LMTK3: variants seen among roughly 807,000 people sequenced by gnomAD.
The protein encoded by LMTK3 is lemur tail kinase 3.
Under a neutral mutation model 116.7 loss-of-function variants are expected in LMTK3, and 27 were observed. The observed-to-expected ratio is 0.23, with a 90% confidence interval of 0.17 to 0.32. LMTK3 has a LOEUF of 0.32. LMTK3 is among the 10% of genes least tolerant of loss of function. LMTK3 has a pLI of 1.00. For synonymous variants in LMTK3, 965 were observed against 971.0 expected (o/e 0.99, Z 0.11); for missense variants, 1,764 against 2,068.5 (o/e 0.85, Z 2.86).
chr19:48,502,386 C>T, intron 7 of LMTK3, 47 bp downstream of exon 7: 7 of 1,566,408 alleles, frequency 4.5e-6, no homozygotes, highest in South Asian at 1.1e-5. Flanking sequence ...TCACCTCCTT[C>T]CCCCTTCCCC....
Position 48,497,765 on chromosome 19 carries a change from G to A in LMTK3, c.3304C>T (p.Pro1102Ser). 1 of 1,374,066 alleles carries A rather than the reference G, an allele frequency of 7.3e-7. No individual in the cohort carries two copies. Among genetic ancestry groups the A allele is most frequent in the Non-Finnish European group, 9.3e-7 (1 of 1,069,658 alleles). 85.1% of individuals were successfully genotyped at this position (1,374,066 alleles called of 1,614,324 possible). A position where few individuals can be genotyped will look rare whatever the true frequency, so the allele number is the denominator to read the frequency against. Residue 1102 changes from proline (P) to serine (S), a missense_variant, in exon 11 of 15, where the codon CCA (proline) becomes TCA (serine). Coordinates refer to ENST00000600059, the MANE Select transcript of LMTK3 (RefSeq NM_001388485.1). The surrounding 1 kb of genome is among the most constrained non-coding windows in gnomAD (Gnocchi z 5.7). ...APETGGAPRA[P>S]GAGRLDLGSG... ...CCGAGGTCCAGCCTCCCAGCCCCTG[G>A]GGCTCTCGGCGCCCCCCCAGTCTCG...
chr19:48,498,758 C>T lies in LMTK3; in HGVS notation c.2311G>A (p.Asp771Asn). ...RAPADPAASP[D>N]PPSAVASPGS... ...GGACTGGCCACGGCCGAAGGGGGGTCGGGGGACGCGGCCGGGTCCGCGGGG... is the reference window on the plus strand; with the variant it reads ...GGACTGGCCACGGCCGAAGGGGGGTTGGGGGACGCGGCCGGGTCCGCGGGG... Residue 771 changes from aspartate (D) to asparagine (N), a missense_variant, in exon 11 of 15, where the codon GAC (aspartate) becomes AAC (asparagine). Physicochemically the swap from Asp to Asn is conservative, Grantham distance 23. Coordinates refer to ENST00000600059, the MANE Select transcript of LMTK3 (RefSeq NM_001388485.1). 4 of 937,890 alleles carry T rather than the reference C, an allele frequency of 4.3e-6. No individual in the cohort carries two copies. The highest frequency in any genetic ancestry group is 4.8e-5 in the South Asian group (2 of 41,908). 58.1% of individuals were successfully genotyped at this position (937,890 alleles called of 1,614,324 possible).
rs1972340266 is a variant in LMTK3 at position 48,497,012 on chromosome 19, C to T, written c.3676+381G>A. Among the ~76,000 whole-genome samples, 1 of 152,218 alleles carries T rather than the reference C, an allele frequency of 6.6e-6. No homozygotes were observed. Among genetic ancestry groups the T allele is most frequent in the African/African-American group, 2.4e-5 (1 of 41,460 alleles). Reference sequence around the variant, plus strand: ...CATCCGTTTCCCTATGTCGTCTGGCCCCTGTGGGCATGAGTTTGAGACCCC... The same window carrying T: ...CATCCGTTTCCCTATGTCGTCTGGCTCCTGTGGGCATGAGTTTGAGACCCC... On this transcript the variant is annotated intron_variant, in intron 11 of 14. Coordinates refer to ENST00000600059, the MANE Select transcript of LMTK3 (RefSeq NM_001388485.1). This position sits in a 1 kb window ranked among gnomAD's most constrained non-coding sequence, Gnocchi z 5.7.
intron 3 of LMTK3, 50 bp from the exon 4 acceptor site, chr19:48,509,563 T>C (rs1376601388): frequency 1.2e-5 from 18 of 1,466,644 alleles, no homozygotes; most frequent in Non-Finnish European, 1.7e-5. Flanking sequence ...CCTTCCTGAG[T>C]GCTACCAACA....
At chr19:48,493,663 C>T (rs763957528) in intron 12 of LMTK3, 31 bp downstream of exon 12, 5 of 1,544,292 alleles carry the variant, frequency 3.2e-6, no homozygotes, top group South Asian at 2.4e-5. Flanking sequence ...CAGGCCGCGA[C>T]CCCGAAACCG....
Position 48,510,063 on chromosome 19 carries a change from C to T in LMTK3, c.321G>A (p.Glu107=). 3.7e-6 allele frequency: 6 copies of T among 1,613,940 alleles called. No homozygotes were observed. Among genetic ancestry groups the T allele is most frequent in the Non-Finnish European group, 3.4e-6 (4 of 1,179,878 alleles). ...LPDVYILPLA[E]VSLPMPAPQP... Reference sequence around the variant, plus strand: ...GCGGGGCAGGCATTGGCAGGGAGACCTCAGCCAGCGGGAGAATGTAGACAT... The same window carrying T: ...GCGGGGCAGGCATTGGCAGGGAGACTTCAGCCAGCGGGAGAATGTAGACAT... Residue 107 remains glutamate (E), a synonymous_variant, in exon 3 of 15, where the codon GAG becomes GAA. Coordinates refer to ENST00000600059, the MANE Select transcript of LMTK3 (RefSeq NM_001388485.1).
At position 48,488,061 on chromosome 19, in the gene LMTK3, A is replaced by G. The variant is rs138888596; in HGVS notation, c.4367-2272T>C. ...CAGGAATATTTGTCAACTGAGCGAA[A>G]GGATTTGGGGTTTGGCACAATTGCA... On this transcript the variant is annotated intron_variant, in intron 14 of 14. Coordinates refer to ENST00000600059, the MANE Select transcript of LMTK3 (RefSeq NM_001388485.1). 2.4e-3 allele frequency among the ~76,000 whole-genome samples: 368 copies of G among 152,256 alleles called. 3 individuals are homozygous for G. The highest frequency in any genetic ancestry group is 8.4e-3 in the African/African-American group (349 of 41,534).
Position 48,511,631 on chromosome 19 carries a change from G to GGGC in LMTK3, c.-56_-55insGCC. The GGGC allele has an allele frequency of 2.2e-6, 1 of 456,836 alleles. No homozygotes were observed. The highest frequency in any genetic ancestry group is 3.6e-5 in the South Asian group (1 of 27,994). 28.3% of individuals were successfully genotyped at this position (456,836 alleles called of 1,614,324 possible). A position where few individuals can be genotyped will look rare whatever the true frequency, so the allele number is the denominator to read the frequency against. The stretch of plus-strand genomic sequence containing the variant: ...GGTGGCGGCTGGGGAGGAGGGGGGG[G>GGGC]CGGGCCCTCAGCCCCCAGCCATGGG... On this transcript the variant is annotated 5_prime_UTR_variant, in exon 1 of 15. Transcript: ENST00000600059.
Position 48,494,711 on chromosome 19 carries a change from G to T in LMTK3, c.3677-602C>A, listed in dbSNP as rs1411396651. ...CCCTCCATTACTGCATAAGTGAACTGCCCTTTCTGAGCTGATGGCAGGGGC... is the reference window on the plus strand; with the variant it reads ...CCCTCCATTACTGCATAAGTGAACTTCCCTTTCTGAGCTGATGGCAGGGGC... On this transcript the variant is annotated intron_variant, in intron 11 of 14. Coordinates refer to ENST00000600059, the MANE Select transcript of LMTK3 (RefSeq NM_001388485.1). The surrounding 1 kb of genome is among the most constrained non-coding windows in gnomAD (Gnocchi z 4.0). Among the ~76,000 whole-genome samples the T allele has an allele frequency of 6.6e-6, 1 of 152,168 alleles. No homozygotes were observed. The highest frequency in any genetic ancestry group is 1.5e-5 in the Non-Finnish European group (1 of 68,040).
rs1316394875 is a variant in LMTK3 at position 48,498,240 on chromosome 19, C to T, written c.2829G>A (p.Ala943=). Residue 943 remains alanine, a synonymous_variant, in exon 11 of 15, where the codon GCG becomes GCA. Transcript: ENST00000600059. ...DQRAPGIEEK[A]AENGALGSPE... is the part of the protein sequence containing the mutation. ...GGGACCCCAGGGCCCCATTCTCCGC[C>T]GCCTTCTCCTCGATGCCTGGGGCTC... The T allele has an allele frequency of 6.2e-6, 10 of 1,613,404 alleles. No individual in the cohort carries two copies. The highest frequency in any genetic ancestry group is 3.3e-4 in the Middle Eastern group (2 of 6,082).
rs1039669268 is a variant in LMTK3, at chr19:48,498,753, G to A, written c.2316C>T (p.Pro772=). 143 of 1,507,604 alleles carry A rather than the reference G, an allele frequency of 9.5e-5. No homozygotes were observed. Among genetic ancestry groups the A allele is most frequent in the Middle Eastern group, 6.4e-4 (3 of 4,692 alleles). The allele number at this position is 1,507,604 out of a possible 1,614,324, so 93.4% of individuals were successfully genotyped here. ...APADPAASPD[P]PSAVASPGSG... The stretch of plus-strand genomic sequence containing the variant: ...AACCGGGACTGGCCACGGCCGAAGG[G>A]GGGTCGGGGGACGCGGCCGGGTCCG... Residue 772 remains proline (P), a synonymous_variant, in exon 11 of 15, where the codon CCC becomes CCT. Transcript: ENST00000600059.
In LMTK3 at chr19:48,497,892, G is replaced by A; in HGVS notation, c.3177C>T (p.Ser1059=). 1 of 1,478,630 alleles carries A rather than the reference G, an allele frequency of 6.8e-7. No homozygotes were observed. The highest frequency in any genetic ancestry group is 8.9e-7 in the Non-Finnish European group (1 of 1,118,180). The allele number at this position is 1,478,630 out of a possible 1,614,324, so 91.6% of individuals were successfully genotyped here. A position where few individuals can be genotyped will look rare whatever the true frequency, so the allele number is the denominator to read the frequency against. The change falls in exon 11 of 15, where the codon AGC becomes AGT. Residue 1059 remains serine, a synonymous_variant. Coordinates refer to ENST00000600059, the MANE Select transcript of LMTK3 (RefSeq NM_001388485.1). The surrounding 1 kb of genome is among the most constrained non-coding windows in gnomAD (Gnocchi z 5.7). ...ETSLERAPAP[S]AVVSSRNGGE... Reference sequence around the variant, plus strand: ...CGCCGTTCCGGGAGGAGACCACTGCGCTGGGTGCAGGGGCTCTCTCCAGAG... The same window carrying A: ...CGCCGTTCCGGGAGGAGACCACTGCACTGGGTGCAGGGGCTCTCTCCAGAG...
chr19:48,510,235 T>A, intron 2 of LMTK3, 62 bp from the exon 3 acceptor site: 1 of 1,558,182 alleles, frequency 6.4e-7, no homozygotes, highest in Non-Finnish European at 8.8e-7. Flanking sequence ...CGCCATCGTC[T>A]TTCTCTTAAG....
rs1972498380 is a variant in LMTK3 at position 48,502,925 on chromosome 19, A to G, written c.629T>C (p.Met210Thr). Residue 210 changes from methionine (M) to threonine (T), a missense_variant, in exon 6 of 15, where the codon ATG becomes ACG. Transcript: ENST00000600059. ...GACCCTCACCAGTTGACAGAACTCC[A>G]TAATCAGCAGAAACGGCAGCGTCTC... Reference protein sequence around the residue: ...CVETLPFLLIMEFCQLGDLKR... With the variant: ...CVETLPFLLITEFCQLGDLKR... 6.2e-7 allele frequency: 1 copy of G among 1,611,646 alleles called. No individual in the cohort carries two copies. Among genetic ancestry groups the G allele is most frequent in the Non-Finnish European group, 8.5e-7 (1 of 1,178,688 alleles).
rs1972357379 is a variant in LMTK3 at position 48,497,694 on chromosome 19, G to A, written c.3375C>T (p.Gly1125=). 7.6e-7 allele frequency: 1 copy of A among 1,311,578 alleles called. No homozygotes were observed. Among genetic ancestry groups the A allele is most frequent in the Non-Finnish European group, 9.7e-7 (1 of 1,034,146 alleles). The allele number at this position is 1,311,578 out of a possible 1,614,324, so 81.2% of individuals were successfully genotyped here. A position where few individuals can be genotyped will look rare whatever the true frequency, so the allele number is the denominator to read the frequency against. Residue 1125 remains glycine, a synonymous_variant, in exon 11 of 15, where the codon GGC becomes GGT. Coordinates refer to ENST00000600059, the MANE Select transcript of LMTK3 (RefSeq NM_001388485.1). This position sits in a 1 kb window ranked among gnomAD's most constrained non-coding sequence, Gnocchi z 5.7. Reference sequence around the variant, plus strand: ...TTGCGTCCACGCCGCTTCCGGGGCCGCCGCCGGGGGCCGTCCCCGTGCCCA... The same window carrying A: ...TTGCGTCCACGCCGCTTCCGGGGCCACCGCCGGGGGCCGTCCCCGTGCCCA... ...APVGTGTAPG[G]GPGSGVDAKA... is the part of the protein sequence containing the mutation.
At position 48,496,198 on chromosome 19, in the gene LMTK3, C is replaced by G. The variant is rs765339932; in HGVS notation, c.3676+1195G>C. Among the ~76,000 whole-genome samples the G allele has an allele frequency of 5.9e-4, 90 of 152,212 alleles. 1 individual carries two copies. Among genetic ancestry groups the G allele is most frequent in the Non-Finnish European group, 9.3e-4 (63 of 68,040 alleles). ...GATCTCGGCTCACTGCAATCTCTGA[C>G]TCACAGGATCAAGTGATTCTTGTGC... On this transcript the variant is annotated intron_variant, in intron 11 of 14. Coordinates refer to ENST00000600059, the MANE Select transcript of LMTK3 (RefSeq NM_001388485.1).
chr19:48,509,925 G>C, intron 3 of LMTK3, 98 bp downstream of exon 3: 1 of 1,381,726 alleles, frequency 7.2e-7, no homozygotes, highest in Non-Finnish European at 9.9e-7. Context: ...ATTGGCTGCC[G>C]CTGGTCTCAA....
chr19:48,507,581 T>G (rs908859327), intron 5 of LMTK3, among the ~76,000 whole-genome samples: 8 of 152,340 alleles, frequency 5.3e-5, no homozygotes, highest in Middle Eastern at 6.8e-3. Flanking sequence ...GTTTTTAATT[T>G]GATTGCATTT....
chr19:48,509,858 G>C lies in LMTK3; in HGVS notation c.361+165C>G, dbSNP rs538061081. ...AATGGCTTCCACCAAGATGATCTTT[G>C]TCTGCCTCCCCATAGGCTGCTTCCA... On this transcript the variant is annotated intron_variant, in intron 3 of 14. Coordinates refer to ENST00000600059, the MANE Select transcript of LMTK3 (RefSeq NM_001388485.1). 1.2e-4 allele frequency among the ~76,000 whole-genome samples: 19 copies of C among 152,170 alleles called. No homozygotes were observed. The South Asian group carries it at 3.7e-3, about 30-fold the overall frequency.
Sources: gnomAD v4.1 joint callset for allele counts (sites outside exome capture counted in the v4.1 genomes callset) on GRCh38, gnomAD v4.1.1 for gene constraint, Gnocchi (gnomAD v3.1) non-coding constraint, MANE v1.5 for transcripts, NCBI Gene and HGNC (gene_info 2026-07-23, HGNC 2026-07-21) for gene names.